The following METTL22 variants were observed in gnomAD, a reference collection of about 807,000 sequenced individuals.
METTL22 encodes the protein methyltransferase 22, Kin17 lysine.
Under a neutral mutation model 48.4 loss-of-function variants are expected in METTL22, and 51 were observed. That is an observed-to-expected ratio of 1.05 (90% CI 0.84 to 1.33). The LOEUF is 1.33. Among genes scored for constraint, METTL22 ranks in the 40% most tolerant of loss-of-function variants. The probability of loss-of-function intolerance (pLI) is 0.00; values close to 1 mark genes in which losing one functional copy is unlikely to be tolerated. For missense variants in METTL22, 678 were observed against 526.9 expected, an observed-to-expected ratio of 1.29 and a Z score of -2.81; for synonymous variants, 255 against 214.1, an observed-to-expected ratio of 1.19 and a Z score of -1.67.
At chr16:8,644,870 C>A in intron 10 of METTL22, 145 bp downstream of exon 10, 1 of 848,932 alleles carries the variant, frequency 1.2e-6, no homozygotes, top group Non-Finnish European at 1.7e-6. Flanking sequence ...CTGGCACCAT[C>A]TGTAGTGGAA....
Position 8,642,799 on chromosome 16 carries a change from G to C in METTL22, c.1010+234G>C, listed in dbSNP as rs1321724712. 5.1e-6 allele frequency: 3 copies of C among 592,118 alleles called. No individual in the cohort carries two copies. The African/African-American group carries it at 5.6e-5, about 11-fold the overall frequency. 36.7% of individuals were successfully genotyped at this position (592,118 alleles called of 1,614,324 possible). ...TTGACTGATGAAGAGAGGAAGGCTG[G>C]GAAGCATCAGGGGCCTTGGCCAGGG... On this transcript the variant is annotated intron_variant, in intron 9 of 10. Transcript: ENST00000381920.
intron 3 of METTL22, chr16:8,631,498 C>A (rs1281289973): frequency 6.6e-6 from 1 of 152,206 alleles, no homozygotes. Context: ...CAACCTCCTC[C>A]AGTTGTAAGG....
At chr16:8,652,460 A>C (rs2056913507), downstream of METTL22, among the ~76,000 whole-genome samples, 1 of 786 alleles carries the variant, frequency 1.3e-3, no homozygotes, top group South Asian at 0.029. Context: ...CTCCGTCTCA[A>C]AAAAAAAAAA....
At chr16:8,663,294 G>T in the METTL22 span, among the ~76,000 whole-genome samples, 4 of 150,854 alleles carry the variant, frequency 2.7e-5, no homozygotes, top group African/African-American at 7.3e-5. Flanking sequence ...TATTAACTGT[G>T]TGTCTTGGGA....
intron 10 of METTL22, chr16:8,644,977 C>G (rs1234912964): frequency 2.9e-6 from 1 of 344,144 alleles, no homozygotes; most frequent in Non-Finnish European, 5.3e-6. Flanking sequence ...ACATATTCCC[C>G]CCGTTGGACA....
chr16:8,649,952 C>T (rs139019069), downstream of METTL22, among the ~76,000 whole-genome samples: 2 of 152,328 alleles, frequency 1.3e-5, no homozygotes, highest in African/African-American at 4.8e-5. Flanking sequence ...GTTTAACAAG[C>T]TCCCGGGTGA....
chr16:8,657,099 G>A, the METTL22 span, among the ~76,000 whole-genome samples: 1 of 152,150 alleles, frequency 6.6e-6, no homozygotes, highest in Admixed American at 6.5e-5. Flanking sequence ...TTGTTTGGGA[G>A]GGAACAGACA....
rs543798815 is a variant in METTL22, at chr16:8,625,657, G to A, written c.-9G>A. ...ACTCCTGTCCTAGGACTAAGGTGGA[G>A]CCTGGGCCATGGTACAGCTGGCTCC... On this transcript the variant is annotated 5_prime_UTR_variant, in exon 2 of 11. Transcript: ENST00000381920. 6 of 1,613,918 alleles carry A rather than the reference G, an allele frequency of 3.7e-6. No homozygotes were observed. In the African/African-American group the frequency reaches 5.3e-5, roughly 14 times the overall value.
At position 8,625,749 on chromosome 16, in the gene METTL22, C is replaced by G. The variant is rs753740823; in HGVS notation, c.84C>G (p.Thr28=). Residue 28 remains threonine, a synonymous_variant, in exon 2 of 11, where the codon ACC becomes ACG. Coordinates refer to ENST00000381920, the MANE Select transcript of METTL22 (RefSeq NM_024109.4). ...TGCTGTCAGATGTCCACCTCTATAC[C>G]CCGAACCATAGACATCTCATGGTAC... ...DTVLSDVHLY[T]PNHRHLMVRL... 1.7e-5 allele frequency: 28 copies of G among 1,614,188 alleles called. 1 individual carries two copies. The South Asian group carries it at 2.5e-4, about 15-fold the overall frequency.
intron 9 of METTL22, among the ~76,000 whole-genome samples, chr16:8,643,682 C>G (rs1025564861): frequency 1.3e-5 from 2 of 152,126 alleles, no homozygotes; most frequent in African/African-American, 4.8e-5. Flanking sequence ...GGTGCGATCT[C>G]GGCTCAGCAC....
rs7197891 is a variant in METTL22, at chr16:8,642,406, C to T, written c.908-57C>T. 1.0e-3 allele frequency: 1,576 copies of T among 1,542,772 alleles called. 24 individuals are homozygous for T. The African/African-American group carries it at 0.02, about 19-fold the overall frequency. On this transcript the variant is annotated intron_variant, in intron 8 of 10. Transcript: ENST00000381920. ...CTCTGTGCGGATTGCTCTGAAAAGT[C>T]GATTTCTGTAATATTTGCGTGTTTT...
At chr16:8,657,179 G>A in the METTL22 span, among the ~76,000 whole-genome samples, 3 of 152,200 alleles carry the variant, frequency 2.0e-5, no homozygotes, top group Non-Finnish European at 4.4e-5. Flanking sequence ...GAGGATCGAT[G>A]TCATTACAAG....
At chr16:8,655,421 G>A in the METTL22 span, among the ~76,000 whole-genome samples, 2 of 152,176 alleles carry the variant, frequency 1.3e-5, no homozygotes, top group East Asian at 3.9e-4. Flanking sequence ...CTCTCTAGGG[G>A]GCCTCTGATA....
At chr16:8,623,324 A>AC in intron 1 of METTL22, among the ~76,000 whole-genome samples, 1 of 152,026 alleles carries the variant, frequency 6.6e-6, no homozygotes, top group East Asian at 1.9e-4. Context: ...AAAAAAAAAA[A>AC]AAATGCGCTA....
At chr16:8,653,152 T>C (rs138306151), downstream of METTL22, among the ~76,000 whole-genome samples, 15 of 152,314 alleles carry the variant, frequency 9.8e-5, no homozygotes, top group African/African-American at 3.6e-4. Flanking sequence ...TACATGGCAG[T>C]GTGGTACAGT....
At chr16:8,659,011 C>T in the METTL22 span, among the ~76,000 whole-genome samples, 1 of 152,128 alleles carries the variant, frequency 6.6e-6, no homozygotes, top group African/African-American at 2.4e-5. Context: ...AAGCCTTCCC[C>T]AGTGTCCACA....
Position 8,642,178 on chromosome 16 carries a change from A to G in METTL22, c.878A>G (p.Asp293Gly), listed in dbSNP as rs202101820. The change falls in exon 8 of 11, where the codon GAT becomes GGT. Residue 293 changes from aspartate (D) to glycine (G), a missense_variant. By Grantham distance (94) the Asp-to-Gly change is moderately conservative (BLOSUM62 -1). Coordinates refer to ENST00000381920, the MANE Select transcript of METTL22 (RefSeq NM_024109.4). ...CAAGAGGAAATTTCTGACTTGTACG[A>G]TCACACCACCATCCTGTTTGCAGCC... ...WSQEEISDLY[D>G]HTTILFAAEV... The G allele has an allele frequency of 1.9e-6, 3 of 1,613,618 alleles. No homozygotes were observed. Among genetic ancestry groups the G allele is most frequent in the Non-Finnish European group, 2.5e-6 (3 of 1,179,686 alleles).
the METTL22 span, among the ~76,000 whole-genome samples, chr16:8,659,385 G>A: frequency 2.6e-5 from 4 of 151,276 alleles, no homozygotes; most frequent in Admixed American, 2.0e-4. Context: ...ACCAGATCAT[G>A]AGTCCTGGAA....
the METTL22 span, among the ~76,000 whole-genome samples, chr16:8,658,958 C>G: frequency 6.6e-6 from 1 of 152,142 alleles, no homozygotes; most frequent in East Asian, 1.9e-4. Context: ...CTCACCCTCT[C>G]AAACCACCCA....
Sources: allele counts gnomAD v4.1 joint callset (sites outside exome capture counted in the v4.1 genomes callset), GRCh38; gene constraint gnomAD v4.1.1; transcripts MANE v1.5; gene names NCBI Gene and HGNC (gene_info 2026-07-23, HGNC 2026-07-21).